The following ATP5MC1 variants were observed in gnomAD, a reference collection of about 807,000 sequenced individuals.
The protein encoded by ATP5MC1 is ATP synthase F(0) complex subunit C1, mitochondrial.
In ATP5MC1, 4 loss-of-function variants were observed where a neutral mutation model predicts 12.1. The ratio of observed to expected loss-of-function variants is 0.33; its 90% CI spans 0.16 to 0.76. The LOEUF (loss-of-function observed/expected upper bound fraction) is 0.76. Ranked by LOEUF, ATP5MC1 falls within the 30% of genes least tolerant of loss-of-function variation. The pLI, the probability that ATP5MC1 is intolerant of heterozygous loss-of-function variation, is 0.61. For missense variants in ATP5MC1, 117 were observed against 172.1 expected, an observed-to-expected ratio of 0.68 and a Z score of 1.79; for synonymous variants, 52 against 66.0, an observed-to-expected ratio of 0.79 and a Z score of 1.03.
chr17:48,893,373 G>A (rs1325426622), intron 1 of ATP5MC1, 36 bp from the exon 2 acceptor site: 11 of 1,610,368 alleles, frequency 6.8e-6, no homozygotes, highest in South Asian at 3.3e-5. Context: ...CAGGGTCTCA[G>A]TGGGATTATT....
intron 1 of ATP5MC1, 56 bp from the exon 2 acceptor site, chr17:48,893,353 A>C: frequency 6.3e-7 from 1 of 1,588,160 alleles, no homozygotes; most frequent in South Asian, 1.1e-5. Flanking sequence ...CGTCATTATA[A>C]GCAAACAACC....
At chr17:48,893,283 G>C (rs1048260606) in intron 1 of ATP5MC1, 126 bp from the exon 2 acceptor site, 3 of 915,392 alleles carry the variant, frequency 3.3e-6, no homozygotes, top group African/African-American at 1.7e-5. Flanking sequence ...GCTGGGGCAC[G>C]GTGCAAGGAA....
intron 4 of ATP5MC1, 65 bp from the exon 5 acceptor site, chr17:48,895,590 C>T: frequency 6.9e-7 from 1 of 1,450,266 alleles, no homozygotes; most frequent in South Asian, 1.1e-5. Context: ...CCTCACCCTC[C>T]TGTGTCCTCC....
At chr17:48,894,903 C>A (rs1219417826) in intron 3 of ATP5MC1, 3 of 632,432 alleles carry the variant, frequency 4.7e-6, no homozygotes, top group Non-Finnish European at 8.8e-6. Context: ...CCAAGGTAAG[C>A]CTTGTAGGTA....
rs547272998 is a variant in ATP5MC1, at chr17:48,893,697, G to A, written c.39+241G>A. The A allele has an allele frequency of 3.5e-5, 20 of 578,408 alleles. No homozygotes were observed. In the Admixed American group the frequency reaches 5.8e-4, roughly 17 times the overall value. The allele number at this position is 578,408 out of a possible 1,614,324, so 35.8% of individuals were successfully genotyped here. A position where few individuals can be genotyped will look rare whatever the true frequency, so the allele number is the denominator to read the frequency against. The stretch of plus-strand genomic sequence containing the variant: ...ATCCCCAGTCTGTCCTGGCCATAGA[G>A]ACAGCCCACTAAAACAGTGGTTTTC... On this transcript the variant is annotated intron_variant, in intron 2 of 4. Coordinates refer to ENST00000393366, the MANE Select transcript of ATP5MC1 (RefSeq NM_005175.3).
At chr17:48,893,757 T>C (rs1480532209) in intron 2 of ATP5MC1, 7 of 477,990 alleles carry the variant, frequency 1.5e-5, no homozygotes, top group Non-Finnish European at 2.6e-5. Context: ...TCCAGGGAAC[T>C]TTTTAAAATC....
rs747082342 is a variant in ATP5MC1 at position 48,894,468 on chromosome 17, T to G, written c.117+19T>G. On this transcript the variant is annotated intron_variant, in intron 3 of 4. Transcript: ENST00000393366. ...TAAACAGGTAAGGGAGGAATAGCTCTCTTAGGAATGTTCCCAAGGCCCAGG... is the reference window on the plus strand; with the variant it reads ...TAAACAGGTAAGGGAGGAATAGCTCGCTTAGGAATGTTCCCAAGGCCCAGG... The G allele has an allele frequency of 6.2e-7, 1 of 1,609,422 alleles. No individual in the cohort carries two copies. The highest frequency in any genetic ancestry group is 1.1e-5 in the South Asian group (1 of 90,948).
intron 1 of ATP5MC1, 119 bp from the exon 2 acceptor site, chr17:48,893,289 AG>A: frequency 9.9e-7 from 1 of 1,008,684 alleles, no homozygotes; most frequent in Non-Finnish European, 1.5e-6. Flanking sequence ...GCACGGTGCA[AG>A]GAAGAGCGTG....
chr17:48,893,717 G>T, intron 2 of ATP5MC1: 1 of 550,774 alleles, frequency 1.8e-6, no homozygotes, highest in Non-Finnish European at 3.2e-6. Flanking sequence ...TAAAACAGTG[G>T]TTTTCAACAG....
Position 48,894,369 on chromosome 17 carries a change from C to T in ATP5MC1, c.40-3C>T. The T allele has an allele frequency of 6.2e-7, 1 of 1,613,694 alleles. No individual in the cohort carries two copies. Among genetic ancestry groups the T allele is most frequent in the Non-Finnish European group, 8.5e-7 (1 of 1,179,872 alleles). Reference sequence around the variant, plus strand: ...GGTAGGATGTGGCTTTCTGATTTTACAGATCCGCTGTTGTACCAGGGGTCT... The same window carrying T: ...GGTAGGATGTGGCTTTCTGATTTTATAGATCCGCTGTTGTACCAGGGGTCT... On this transcript the variant is annotated splice_region_variant and splice_polypyrimidine_tract_variant and intron_variant, in intron 2 of 4. Coordinates refer to ENST00000393366, the MANE Select transcript of ATP5MC1 (RefSeq NM_005175.3).
chr17:48,893,979 C>A (rs1469099196), intron 2 of ATP5MC1: 3 of 214,448 alleles, frequency 1.4e-5, no homozygotes, highest in Non-Finnish European at 2.8e-5. Flanking sequence ...CTGACTGGCC[C>A]ACTCCATTTA....
chr17:48,893,776 T>C (rs1201152317), intron 2 of ATP5MC1: 4 of 455,722 alleles, frequency 8.8e-6, no homozygotes, highest in African/African-American at 7.9e-5. Flanking sequence ...TCCTGATGCC[T>C]AGGCTGCACC....
chr17:48,893,536 G>A, intron 2 of ATP5MC1, 80 bp downstream of exon 2: 2 of 1,522,874 alleles, frequency 1.3e-6, no homozygotes, highest in Non-Finnish European at 1.8e-6. Flanking sequence ...TGAACCCAGG[G>A]GAGCTTGGCG....
At position 48,894,412 on chromosome 17, in the gene ATP5MC1, C is replaced by G; in HGVS notation, c.80C>G (p.Ala27Gly). 6.2e-7 allele frequency: 1 copy of G among 1,613,832 alleles called. No homozygotes were observed. The highest frequency in any genetic ancestry group is 8.5e-7 in the Non-Finnish European group (1 of 1,179,954). ...AGGGGTCTAATCAGGCCTGTGTCTG[C>G]CTCCTTCTTGAATAGCCCAGTGAAT... ...CTRGLIRPVS[A>G]SFLNSPVNSS... The change falls in exon 3 of 5, where the codon GCC becomes GGC. Residue 27 changes from alanine (A) to glycine (G), a missense_variant. By Grantham distance (60) the Ala-to-Gly change is moderately conservative. Transcript: ENST00000393366.
Position 48,895,681 on chromosome 17 carries a change from TCTC to T in ATP5MC1, c.326_328del (p.Ser109del), listed in dbSNP as rs1248386165. 23 of 1,613,814 alleles carry T rather than the reference TCTC, an allele frequency of 1.4e-5. No homozygotes were observed. The highest frequency in any genetic ancestry group is 1.6e-4 in the Middle Eastern group (1 of 6,080). On this transcript the variant is annotated inframe_deletion, in exon 5 of 5. Coordinates refer to ENST00000393366, the MANE Select transcript of ATP5MC1 (RefSeq NM_005175.3). ...AACCCGTCTCTCAAGCAGCAGCTCT[TCTC>T]CTATGCCATTCTTGGCTTTGCCCTG...
At chr17:48,893,523 G>A (rs1424408646) in intron 2 of ATP5MC1, 67 bp downstream of exon 2, 2 of 1,580,050 alleles carry the variant, frequency 1.3e-6, no homozygotes. Flanking sequence ...AGTGTTTAAT[G>A]AATGAACCCA....
chr17:48,893,329 G>C (rs980824386), intron 1 of ATP5MC1, 80 bp from the exon 2 acceptor site: 19 of 1,446,514 alleles, frequency 1.3e-5, no homozygotes, highest in Middle Eastern at 4.0e-4. Flanking sequence ...GGGGTGAAGG[G>C]GACGACCAAA....
At chr17:48,895,003 G>A (rs758450402) in intron 3 of ATP5MC1, 153 bp from the exon 4 acceptor site, 7 of 878,440 alleles carry the variant, frequency 8.0e-6, no homozygotes, top group Non-Finnish European at 1.3e-5. Flanking sequence ...CTAATTCCCA[G>A]CATACTCTGC....
rs751893219 is a variant in ATP5MC1 at position 48,895,381 on chromosome 17, G to T, written c.296+47G>T. 3.2e-6 allele frequency: 5 copies of T among 1,540,446 alleles called. No individual in the cohort carries two copies. The South Asian group carries it at 6.3e-5, about 19-fold the overall frequency. On this transcript the variant is annotated intron_variant, in intron 4 of 4. Transcript: ENST00000393366. ...CATCTCCCACTGTAAATTCCACCCC[G>T]TTTGGGGAAGCCTCAGCTGGAGGAG...
Sources: gnomAD v4.1 joint callset for allele counts on GRCh38, gnomAD v4.1.1 for gene constraint, MANE v1.5 for transcripts, NCBI Gene and HGNC (gene_info 2026-07-23, HGNC 2026-07-21) for gene names.